The following UBTD2 variants were observed in gnomAD, a reference collection of about 807,000 sequenced individuals.
UBTD2 encodes ubiquitin domain-containing protein 2.
A neutral mutation model predicts 19.8 loss-of-function variants in UBTD2; 9 were observed. The ratio of observed to expected loss-of-function variants is 0.46; its 90% CI spans 0.27 to 0.79. UBTD2 has a LOEUF of 0.79. Among genes scored for constraint, UBTD2 ranks in the 30% least tolerant of loss-of-function variants. The pLI is 0.14. For missense variants in UBTD2, 250 were observed against 300.4 expected, an observed-to-expected ratio of 0.83 and a Z score of 1.24; for synonymous variants, 98 against 103.9, an observed-to-expected ratio of 0.94 and a Z score of 0.35.
chr5:172,226,245 G>A (rs1315571341), intron 2 of UBTD2, among the ~76,000 whole-genome samples: 2 of 152,102 alleles, frequency 1.3e-5, no homozygotes, highest in Non-Finnish European at 1.5e-5. Context: ...ATGAAACAGT[G>A]GGGTGAACGT....
intron 1 of UBTD2, among the ~76,000 whole-genome samples, chr5:172,269,739 TAAAA>T (rs376285062): frequency 1.8e-5 from 2 of 114,228 alleles, no homozygotes. Context: ...CATGTGCATG[TAAAA>T]AAAAAAAAAA....
intron 2 of UBTD2, among the ~76,000 whole-genome samples, chr5:172,223,340 C>G (rs923554116): frequency 6.6e-6 from 1 of 151,968 alleles, no homozygotes; most frequent in African/African-American, 2.4e-5. Flanking sequence ...CATGGTGGCT[C>G]ATGACTGTAA....
chr5:172,259,253 C>T (rs912368800), intron 1 of UBTD2, among the ~76,000 whole-genome samples: 1 of 152,094 alleles, frequency 6.6e-6, no homozygotes, highest in Admixed American at 6.6e-5. Context: ...AGCGATTCTC[C>T]TGCCTCAGCC....
At chr5:172,236,208 T>G (rs1216745567) in intron 1 of UBTD2, among the ~76,000 whole-genome samples, 2 of 152,248 alleles carry the variant, frequency 1.3e-5, no homozygotes, top group African/African-American at 2.4e-5. Flanking sequence ...CACTCAGCAT[T>G]AACTCAAATA....
At chr5:172,233,698 A>C (rs544286127) in intron 2 of UBTD2, among the ~76,000 whole-genome samples, 336 of 151,962 alleles carry the variant, frequency 2.2e-3, no homozygotes, top group Non-Finnish European at 4.0e-3. Context: ...GCATCCTCTG[A>C]GTCTCTACAG....
At chr5:172,277,765 G>C (rs1029784578) in intron 1 of UBTD2, among the ~76,000 whole-genome samples, 1 of 144,978 alleles carries the variant, frequency 6.9e-6, no homozygotes, top group East Asian at 2.0e-4. Context: ...AGAATGAAAA[G>C]ACAACTCACA....
intron 1 of UBTD2, among the ~76,000 whole-genome samples, chr5:172,270,766 T>A (rs1755474110): frequency 6.6e-6 from 1 of 152,184 alleles, no homozygotes; most frequent in African/African-American, 2.4e-5. Flanking sequence ...ACCTGTAGCA[T>A]TAAAATTGTA....
At chr5:172,216,594 A>C (rs1404403866) in intron 2 of UBTD2, among the ~76,000 whole-genome samples, 19 of 123,398 alleles carry the variant, frequency 1.5e-4, no homozygotes, top group African/African-American at 7.8e-4. Context: ...CTCTACCCAA[A>C]AAAAAAAAAA....
intron 2 of UBTD2, among the ~76,000 whole-genome samples, chr5:172,222,700 A>G (rs1222316572): frequency 6.6e-6 from 1 of 152,234 alleles, no homozygotes; most frequent in Non-Finnish European, 1.5e-5. Flanking sequence ...TGATACGGAA[A>G]TAAGAATAAT....
At chr5:172,229,943 C>A (rs1186843591) in intron 2 of UBTD2, among the ~76,000 whole-genome samples, 1 of 151,810 alleles carries the variant, frequency 6.6e-6, no homozygotes, top group African/African-American at 2.4e-5. Flanking sequence ...TAGGTAATGG[C>A]AAAATAGCAA....
rs933367453 is a variant in UBTD2, at chr5:172,223,035, T to C, written c.308-10808A>G. Among the ~76,000 whole-genome samples the C allele has an allele frequency of 1.2e-4, 18 of 151,988 alleles. 1 individual carries two copies. Among genetic ancestry groups the C allele is most frequent in the Non-Finnish European group, 2.2e-4 (15 of 67,990 alleles). On this transcript the variant is annotated intron_variant, in intron 2 of 2. Transcript: ENST00000393792. Reference sequence around the variant, plus strand: ...GCCTGACTACAGAAATGGAAAAAAATCGAACTGAGAAATTCAAAGACAACT... The same window carrying C: ...GCCTGACTACAGAAATGGAAAAAAACCGAACTGAGAAATTCAAAGACAACT...
At chr5:172,217,435 AAG>A (rs1771567762) in intron 2 of UBTD2, among the ~76,000 whole-genome samples, 2 of 150,968 alleles carry the variant, frequency 1.3e-5, no homozygotes, top group South Asian at 4.2e-4. Flanking sequence ...AAAAAAAAAA[AAG>A]AAAGAAAGAA....
intron 2 of UBTD2, among the ~76,000 whole-genome samples, chr5:172,233,750 G>C (rs6556005): frequency 0.3 from 44,461 of 148,010 alleles, 6,777 homozygotes; most frequent in South Asian, 0.42. Flanking sequence ...AGCGCTGCTA[G>C]GAGGAAACCA....
In UBTD2 at chr5:172,251,314, C is replaced by CAAAAAAA. The variant is rs57577423; in HGVS notation, c.71-16963_71-16957dup. 1.4e-4 allele frequency among the ~76,000 whole-genome samples: 17 copies of CAAAAAAA among 118,228 alleles called. 2 individuals carry two copies. The highest frequency in any genetic ancestry group is 2.0e-4 in the Non-Finnish European group (12 of 59,046). 77.6% of individuals were successfully genotyped at this position (118,228 alleles called of 152,430 possible). A position where few individuals can be genotyped will look rare whatever the true frequency, so the allele number is the denominator to read the frequency against. ...AGCCTGGGTGACAGTGAGCCTATCT[C>CAAAAAAA]AAAAAAAAAAAAGAAAATAGCCACT... On this transcript the variant is annotated intron_variant, in intron 1 of 2. Transcript: ENST00000393792.
At chr5:172,229,295 T>A (rs896367227) in intron 2 of UBTD2, among the ~76,000 whole-genome samples, 1 of 151,836 alleles carries the variant, frequency 6.6e-6, no homozygotes, top group African/African-American at 2.4e-5. Context: ...GGTCAGGAGA[T>A]CGAGACCATC....
intron 1 of UBTD2, among the ~76,000 whole-genome samples, chr5:172,253,673 C>T (rs950108932): frequency 6.6e-6 from 1 of 151,896 alleles, no homozygotes; most frequent in Admixed American, 6.6e-5. Flanking sequence ...AGGATGGTCT[C>T]GATTTCTTGA....
intron 1 of UBTD2, among the ~76,000 whole-genome samples, chr5:172,270,301 G>C (rs1421227978): frequency 6.7e-6 from 1 of 149,914 alleles, no homozygotes; most frequent in East Asian, 2.0e-4. Flanking sequence ...TACAGACTGA[G>C]TAGCTCTTAT....
intron 2 of UBTD2, 101 bp downstream of exon 2, chr5:172,234,021 G>T: frequency 8.1e-7 from 1 of 1,239,526 alleles, no homozygotes; most frequent in Non-Finnish European, 1.2e-6. Context: ...AAAAAAGTTA[G>T]AATAATTCAT....
chr5:172,237,855 C>T (rs1772043160), intron 1 of UBTD2, among the ~76,000 whole-genome samples: 1 of 152,204 alleles, frequency 6.6e-6, no homozygotes, highest in South Asian at 2.1e-4. Context: ...TATGAAATAA[C>T]ATCTTTAAGT....
Sources: gnomAD v4.1 joint callset for allele counts (sites outside exome capture counted in the v4.1 genomes callset) on GRCh38, gnomAD v4.1.1 for gene constraint, MANE v1.5 for transcripts, NCBI Gene and HGNC (gene_info 2026-07-23, HGNC 2026-07-21) for gene names.